SYTL2: variants seen among roughly 807,000 people sequenced by gnomAD.
SYTL2 encodes the protein synaptotagmin like 2.
SYTL2 carries 165 observed loss-of-function variants against 198.7 expected under a neutral mutation model. The ratio of observed to expected loss-of-function variants is 0.83; its 90% CI spans 0.73 to 0.94. The LOEUF is 0.94. Among genes scored for constraint, SYTL2 ranks in the 40% least tolerant of loss-of-function variants. The pLI, the probability that SYTL2 is intolerant of heterozygous loss-of-function variation, is 0.00. For synonymous variants in SYTL2, 966 were observed against 917.7 expected, an observed-to-expected ratio of 1.05 and a Z score of -0.95; for missense variants, 2,835 against 2,582.8, an observed-to-expected ratio of 1.10 and a Z score of -2.12.
At chr11:85,809,794 C>G (rs1222451787) in intron 1 of SYTL2, among the ~76,000 whole-genome samples, 1 of 152,216 alleles carries the variant, frequency 6.6e-6, no homozygotes, top group African/African-American at 2.4e-5. Flanking sequence ...CTTCTCCTTC[C>G]TAGCTGCTCT....
chr11:85,789,574 T>A (rs1036160682), intron 1 of SYTL2, among the ~76,000 whole-genome samples: 6 of 151,146 alleles, frequency 4.0e-5, no homozygotes, highest in Non-Finnish European at 7.4e-5. Flanking sequence ...TTTATTCTCT[T>A]CCTTTTTGAT....
chr11:85,725,680 A>G lies in SYTL2; in HGVS notation c.3678T>C (p.Ser1226=), dbSNP rs1427916731. The G allele has an allele frequency of 4.3e-6, 7 of 1,613,988 alleles. No homozygotes were observed. The Admixed American group carries it at 6.7e-5, about 15-fold the overall frequency. Residue 1226 remains serine, a synonymous_variant, in exon 8 of 20, where the codon TCT becomes TCC. Transcript: ENST00000359152. The stretch of plus-strand genomic sequence containing the variant: ...CAGGCGCCAACTTGGCTTGCAAGGG[A>G]GAGGGTGAAGTTCCAGTTGCTTCCT... ...LLKEATGTSP[S]PLQAKLAPVI... is the part of the protein sequence containing the mutation.
intron 2 of SYTL2, among the ~76,000 whole-genome samples, chr11:85,749,423 G>C (rs2091376610): frequency 6.6e-6 from 1 of 152,174 alleles, no homozygotes; most frequent in South Asian, 2.1e-4. Flanking sequence ...AAATCAAAGT[G>C]CTTCAGGCAG....
chr11:85,787,254 G>C (rs1190539453), intron 1 of SYTL2, among the ~76,000 whole-genome samples: 1 of 152,060 alleles, frequency 6.6e-6, no homozygotes, highest in East Asian at 1.9e-4. Context: ...TTTCTGCAAG[G>C]CTGCTATGTG....
chr11:85,760,161 T>C (rs905393922), intron 1 of SYTL2, among the ~76,000 whole-genome samples: 1 of 152,176 alleles, frequency 6.6e-6, no homozygotes, highest in African/African-American at 2.4e-5. Context: ...CAGTTATTCA[T>C]TGCCTCTTCA....
At chr11:85,734,912 T>C (rs897052031) in intron 6 of SYTL2, among the ~76,000 whole-genome samples, 170 bp from the exon 7 acceptor site, 2 of 152,208 alleles carry the variant, frequency 1.3e-5, no homozygotes, top group African/African-American at 2.4e-5. Context: ...AATTCATGCA[T>C]TGGAGCACAG....
At chr11:85,751,233 ACTT>A (rs1259718467) in intron 2 of SYTL2, among the ~76,000 whole-genome samples, 2 of 152,192 alleles carry the variant, frequency 1.3e-5, no homozygotes, top group Non-Finnish European at 2.9e-5. Flanking sequence ...TTAATAATCA[ACTT>A]CTTTTTCTAT....
At position 85,724,557 on chromosome 11, in the gene SYTL2, G is replaced by T; in HGVS notation, c.4801C>A (p.Gln1601Lys). Residue 1601 changes from glutamine (Q) to lysine (K), a missense_variant, in exon 8 of 20, where the codon CAG becomes AAG. Coordinates refer to ENST00000359152, the MANE Select transcript of SYTL2 (RefSeq NM_206927.4). ...THEKESSQSE[Q>K]TRFLGTVPHF... The stretch of plus-strand genomic sequence containing the variant: ...GGCACTGTCCCCAAGAACCTGGTCT[G>T]CTCTGACTGTGAGGACTCCTTCTCG... 1 of 1,613,920 alleles carries T rather than the reference G, an allele frequency of 6.2e-7. No individual in the cohort carries two copies. Among genetic ancestry groups the T allele is most frequent in the Non-Finnish European group, 8.5e-7 (1 of 1,179,980 alleles).
chr11:85,708,254 C>A (rs1407845072), intron 14 of SYTL2: 1 of 285,510 alleles, frequency 3.5e-6, no homozygotes, highest in Non-Finnish European at 7.0e-6. Flanking sequence ...TTGGTGCTTG[C>A]AGTATTTTTA....
In SYTL2 at chr11:85,726,720, T is replaced by A. The variant is rs996997961; in HGVS notation, c.2638A>T (p.Thr880Ser). The change falls in exon 8 of 20, where the codon ACC becomes TCC. Residue 880 changes from threonine to serine, a missense_variant. By Grantham distance (58) the Thr-to-Ser change is moderately conservative. Coordinates refer to ENST00000359152, the MANE Select transcript of SYTL2 (RefSeq NM_206927.4). ...GATGGACCTGCTATTTGTGGCTTGG[T>A]CTCTTTAGATTTATTTGAGGAATAA... ...NSYSSNKSKETKPQIAGPSRY... is the reference protein window; with the variant it reads ...NSYSSNKSKESKPQIAGPSRY... 6.5e-6 allele frequency: 10 copies of A among 1,536,032 alleles called. No homozygotes were observed. In the African/African-American group the frequency reaches 8.2e-5, roughly 13 times the overall value.
intron 7 of SYTL2, among the ~76,000 whole-genome samples, chr11:85,731,172 T>C (rs187931752): frequency 4.1e-4 from 62 of 152,346 alleles, no homozygotes; most frequent in African/African-American, 1.4e-3. Flanking sequence ...CAAAGTAATT[T>C]ATAGATTCAA....
At chr11:85,751,787 A>C (rs1363353140) in intron 2 of SYTL2, among the ~76,000 whole-genome samples, 1 of 152,236 alleles carries the variant, frequency 6.6e-6, no homozygotes, top group African/African-American at 2.4e-5. Flanking sequence ...CATGCTGTTC[A>C]AAGAATTTCA....
chr11:85,703,649 G>C (rs2084681313), intron 16 of SYTL2, among the ~76,000 whole-genome samples: 1 of 152,142 alleles, frequency 6.6e-6, no homozygotes, highest in African/African-American at 2.4e-5. Context: ...ACAACTCCAC[G>C]GATAAATCCA....
Position 85,727,974 on chromosome 11 carries a change from C to T in SYTL2, c.1391-7G>A. ...ACACAATGAGACAGTTCATCTGCAA[C>T]ATAGAAATACTTTTCTAAATAAGAA... On this transcript the variant is annotated splice_polypyrimidine_tract_variant and splice_region_variant and intron_variant, in intron 7 of 19. Transcript: ENST00000359152. 6.4e-7 allele frequency: 1 copy of T among 1,561,966 alleles called. No homozygotes were observed. The highest frequency in any genetic ancestry group is 8.6e-7 in the Non-Finnish European group (1 of 1,158,976).
At position 85,727,170 on chromosome 11, in the gene SYTL2, T is replaced by G. The variant is rs750838331; in HGVS notation, c.2188A>C (p.Asn730His). The change falls in exon 8 of 20, where the codon AAT becomes CAT. Residue 730 changes from asparagine (N) to histidine (H), a missense_variant. By Grantham distance (68) the Asn-to-His change is moderately conservative. Transcript: ENST00000359152. ...VKEPGLKDNMNAERKSKVGNT... is the reference protein window; with the variant it reads ...VKEPGLKDNMHAERKSKVGNT... Reference sequence around the variant, plus strand: ...CCTACTTTGCTCTTTCTCTCTGCATTCATGTTATCTTTCAAACCTGGTTCT... The same window carrying G: ...CCTACTTTGCTCTTTCTCTCTGCATGCATGTTATCTTTCAAACCTGGTTCT... 4 of 1,536,560 alleles carry G rather than the reference T, an allele frequency of 2.6e-6. No homozygotes were observed. The South Asian group carries it at 3.6e-5, about 14-fold the overall frequency.
At chr11:85,716,346 C>A (rs972017035) in intron 11 of SYTL2, 2 of 152,206 alleles carry the variant, frequency 1.3e-5, no homozygotes, top group Non-Finnish European at 2.9e-5. Context: ...CACATACTCA[C>A]AAGAGCTGAA....
At chr11:85,817,270 A>AGAT in the SYTL2 span, among the ~76,000 whole-genome samples, 2 of 152,236 alleles carry the variant, frequency 1.3e-5, no homozygotes, top group African/African-American at 4.8e-5. Context: ...CTCAGTGGTT[A>AGAT]CAGATGAGAA....
At chr11:85,804,880 C>T (rs749970885) in intron 1 of SYTL2, among the ~76,000 whole-genome samples, 15 of 152,268 alleles carry the variant, frequency 9.9e-5, no homozygotes, top group South Asian at 6.2e-4. Context: ...ACCTTGAAGA[C>T]GTCATGTAGA....
At chr11:85,761,356 A>C (rs959707208) in intron 1 of SYTL2, among the ~76,000 whole-genome samples, 2 of 152,166 alleles carry the variant, frequency 1.3e-5, no homozygotes, top group South Asian at 4.1e-4. Context: ...AGCGATGAGG[A>C]AACAAGCCAT....
Sources: gnomAD v4.1 joint callset for allele counts (sites outside exome capture counted in the v4.1 genomes callset) on GRCh38, gnomAD v4.1.1 for gene constraint, MANE v1.5 for transcripts, NCBI Gene and HGNC (gene_info 2026-07-23, HGNC 2026-07-21) for gene names.